Variants in SGCG observed in about 807,000 individuals in gnomAD.
SGCG encodes gamma-sarcoglycan.
Under a neutral mutation model 29.3 loss-of-function variants are expected in SGCG, and 26 were observed. The ratio of observed to expected loss-of-function variants is 0.89; its 90% CI spans 0.65 to 1.23. SGCG has a LOEUF of 1.23. Among genes scored for constraint, SGCG ranks in the 50% most tolerant of loss-of-function variants. The probability of loss-of-function intolerance (pLI) is 0.00; values close to 1 mark genes in which losing one functional copy is unlikely to be tolerated. For synonymous variants in SGCG, 145 were observed against 129.7 expected, an observed-to-expected ratio of 1.12 and a Z score of -0.80; for missense variants, 353 against 356.0, an observed-to-expected ratio of 0.99 and a Z score of 0.07.
chr13:23,201,966 G>T (rs536265120), intron 1 of SGCG, among the ~76,000 whole-genome samples: 1 of 152,290 alleles, frequency 6.6e-6, no homozygotes, highest in East Asian at 1.9e-4. Context: ...GAGAGTGACT[G>T]CGTGTCCAGA....
intron 2 of SGCG, among the ~76,000 whole-genome samples, chr13:23,218,881 T>C (rs9507052): frequency 0.079 from 11,762 of 149,378 alleles, 574 homozygotes; most frequent in South Asian, 0.1. Flanking sequence ...AATTCTATGG[T>C]GGGAAAATTA....
chr13:23,203,982 T>A, intron 2 of SGCG, 93 bp downstream of exon 2: 2 of 933,246 alleles, frequency 2.1e-6, no homozygotes, highest in Non-Finnish European at 3.5e-6. Flanking sequence ...CTTTTGTAAT[T>A]AACATTCATT....
At chr13:23,162,371 T>C in the SGCG span, among the ~76,000 whole-genome samples, 5 of 152,162 alleles carry the variant, frequency 3.3e-5, no homozygotes, top group Non-Finnish European at 7.3e-5. Context: ...TCCCAGACCT[T>C]TGGGAGGCCG....
intron 4 of SGCG, chr13:23,268,444 G>C (rs1880728203): frequency 6.6e-6 from 1 of 152,550 alleles, no homozygotes; most frequent in Non-Finnish European, 1.5e-5. Flanking sequence ...AGATACTACA[G>C]AAGAGATTCT....
intron 1 of SGCG, among the ~76,000 whole-genome samples, chr13:23,188,501 T>G (rs201734923): frequency 0.28 from 39,760 of 142,982 alleles, 6,898 homozygotes; most frequent in Admixed American, 0.4. Context: ...TTTTTTTTTT[T>G]TGGGACAGGT....
At chr13:23,261,247 A>ATTT (rs148325128) in intron 4 of SGCG, among the ~76,000 whole-genome samples, 1 of 150,726 alleles carries the variant, frequency 6.6e-6, no homozygotes, top group African/African-American at 2.4e-5. Context: ...ATTCTGAAAA[A>ATTT]TTTTTTTTTT....
intron 4 of SGCG, chr13:23,269,173 C>A (rs1880759884): frequency 6.6e-6 from 1 of 152,172 alleles, no homozygotes; most frequent in African/African-American, 2.4e-5. Context: ...ACCAGTTTTT[C>A]ATTCCAAGGA....
intron 1 of SGCG, among the ~76,000 whole-genome samples, chr13:23,192,431 TTGC>T (rs1225289099): frequency 6.6e-6 from 1 of 151,942 alleles, no homozygotes; most frequent in Non-Finnish European, 1.5e-5. Flanking sequence ...CTCACTCTTG[TTGC>T]TCAGGCTGGA....
In SGCG at chr13:23,299,425, TATATATATATATATATATATATATA is replaced by T. The variant is rs1303417102; in HGVS notation, c.578+3939_578+3963del. ...TAGTTGGCATATATATATATATATA[TATATATATATATATATATATATATA>T]TATATATTTTTTTTTTTTTTTTAGT... On this transcript the variant is annotated intron_variant, in intron 6 of 7. Transcript: ENST00000218867. 2.0e-3 allele frequency among the ~76,000 whole-genome samples: 12 copies of T among 6,116 alleles called. 1 individual carries two copies. Among genetic ancestry groups the T allele is most frequent in the South Asian group, 0.013 (2 of 152 alleles). The allele number at this position is 6,116 out of a possible 152,430, so 4.0% of individuals were successfully genotyped here.
the SGCG span, among the ~76,000 whole-genome samples, chr13:23,175,324 C>G: frequency 6.6e-6 from 1 of 152,164 alleles, no homozygotes; most frequent in Admixed American, 6.6e-5. Flanking sequence ...AGATTTTATT[C>G]TAAGCAGGAG....
intron 4 of SGCG, among the ~76,000 whole-genome samples, chr13:23,252,331 T>A (rs1879998357): frequency 6.6e-6 from 1 of 152,294 alleles, no homozygotes; most frequent in East Asian, 1.9e-4. Context: ...CAAGTAATAA[T>A]AATAAAGACT....
chr13:23,185,878 G>C (rs1207410338), intron 1 of SGCG, among the ~76,000 whole-genome samples: 1 of 152,222 alleles, frequency 6.6e-6, no homozygotes, highest in East Asian at 1.9e-4. Context: ...TGGTTCTGAA[G>C]GGTGATGGGC....
Position 23,313,476 on chromosome 13 carries a change from T to A in SGCG, c.579-7161T>A, listed in dbSNP as rs558634176. Reference sequence around the variant, plus strand: ...CACTGAGCCTGGCCTTCTCTTTTTTTAAAAATGACATTAATATGACATGAG... The same window carrying A: ...CACTGAGCCTGGCCTTCTCTTTTTTAAAAAATGACATTAATATGACATGAG... On this transcript the variant is annotated intron_variant, in intron 6 of 7. Coordinates refer to ENST00000218867, the MANE Select transcript of SGCG (RefSeq NM_000231.3). Among the ~76,000 whole-genome samples, 50 of 152,292 alleles carry A rather than the reference T, an allele frequency of 3.3e-4. No individual in the cohort carries two copies. The South Asian group carries it at 9.5e-3, about 29-fold the overall frequency.
At chr13:23,214,971 C>G (rs1013352944) in intron 2 of SGCG, among the ~76,000 whole-genome samples, 1 of 152,128 alleles carries the variant, frequency 6.6e-6, no homozygotes. Flanking sequence ...ATCAGTGATA[C>G]AAATCCCATT....
chr13:23,304,961 TCACAGGC>T (rs1882309210), intron 6 of SGCG, among the ~76,000 whole-genome samples: 2 of 124,626 alleles, frequency 1.6e-5, no homozygotes, highest in African/African-American at 2.7e-5. Flanking sequence ...GTGCACGTGC[TCACAGGC>T]TTGCACGTGC....
chr13:23,237,623 A>G (rs1879359110), intron 3 of SGCG, among the ~76,000 whole-genome samples: 1 of 152,372 alleles, frequency 6.6e-6, no homozygotes, highest in African/African-American at 2.4e-5. Context: ...ATGCCAGTCC[A>G]GAACCTGAAT....
At chr13:23,252,463 G>A (rs1454746144) in intron 4 of SGCG, among the ~76,000 whole-genome samples, 1 of 151,934 alleles carries the variant, frequency 6.6e-6, no homozygotes, top group East Asian at 1.9e-4. Context: ...AGGCCGAGGT[G>A]GGTGGATCAT....
intron 5 of SGCG, among the ~76,000 whole-genome samples, chr13:23,282,791 A>G (rs918733432): frequency 6.6e-6 from 1 of 152,094 alleles, no homozygotes; most frequent in Non-Finnish European, 1.5e-5. Flanking sequence ...GGGCTGGATA[A>G]TGTTTTTGGT....
intron 2 of SGCG, among the ~76,000 whole-genome samples, chr13:23,213,830 T>C (rs1402337670): frequency 6.6e-6 from 1 of 152,174 alleles, no homozygotes. Flanking sequence ...CTAAGGCAGC[T>C]GCATGCAGCC....
Sources: gnomAD v4.1 joint callset for allele counts (sites outside exome capture counted in the v4.1 genomes callset) on GRCh38, gnomAD v4.1.1 for gene constraint, MANE v1.5 for transcripts, NCBI Gene and HGNC (gene_info 2026-07-23, HGNC 2026-07-21) for gene names.